Variants in HNRNPC observed in about 807,000 individuals in gnomAD.
HNRNPC encodes the protein heterogeneous nuclear ribonucleoprotein C.
HNRNPC carries 3 observed loss-of-function variants against 33.2 expected under a neutral mutation model. That is an observed-to-expected ratio of 0.09 (90% CI 0.04 to 0.23). HNRNPC has a LOEUF of 0.23. Ranked by LOEUF, HNRNPC falls within the 10% of genes least tolerant of loss-of-function variation. The pLI, the probability that HNRNPC is intolerant of heterozygous loss-of-function variation, is 1.00. For missense variants in HNRNPC, 143 were observed against 366.7 expected, an observed-to-expected ratio of 0.39 and a Z score of 4.98; for synonymous variants, 121 against 126.7, an observed-to-expected ratio of 0.96 and a Z score of 0.30.
chr14:21,267,581 C>T (rs1020616511), intron 1 of HNRNPC, among the ~76,000 whole-genome samples: 2 of 152,126 alleles, frequency 1.3e-5, no homozygotes, highest in Non-Finnish European at 2.9e-5. Context: ...GCAACCTGGC[C>T]ATCCTTCTTC....
At chr14:21,237,589 AAAC>A (rs2139681678) in intron 2 of HNRNPC, among the ~76,000 whole-genome samples, 1 of 152,296 alleles carries the variant, frequency 6.6e-6, no homozygotes, top group African/African-American at 2.4e-5. Context: ...ATTGATGCTT[AAAC>A]AATACCATTT....
At chr14:21,251,950 A>G (rs1896726589) in intron 2 of HNRNPC, among the ~76,000 whole-genome samples, 1 of 152,240 alleles carries the variant, frequency 6.6e-6, no homozygotes, top group South Asian at 2.1e-4. Context: ...TTAGACAGGT[A>G]TAACAAAATA....
intron 2 of HNRNPC, among the ~76,000 whole-genome samples, chr14:21,252,609 G>C (rs915210849): frequency 6.6e-6 from 1 of 152,180 alleles, no homozygotes; most frequent in Non-Finnish European, 1.5e-5. Context: ...CACCATGCCA[G>C]GCCTCTAAAT....
chr14:21,253,044 C>T (rs886122793), intron 2 of HNRNPC, among the ~76,000 whole-genome samples: 3 of 150,668 alleles, frequency 2.0e-5, no homozygotes, highest in Non-Finnish European at 3.0e-5. Flanking sequence ...CGTGGTGGAG[C>T]GTAACTGTAA....
chr14:21,216,155 T>C (rs1469387236), intron 5 of HNRNPC, among the ~76,000 whole-genome samples: 1 of 147,366 alleles, frequency 6.8e-6, no homozygotes, highest in African/African-American at 2.5e-5. Flanking sequence ...AAAGAATGTC[T>C]ACCCCAATTC....
At chr14:21,253,593 T>G (rs983218706) in intron 2 of HNRNPC, among the ~76,000 whole-genome samples, 1 of 151,566 alleles carries the variant, frequency 6.6e-6, no homozygotes, top group Non-Finnish European at 1.5e-5. Context: ...TCAAAATCTA[T>G]CAACATTTTT....
Position 21,230,349 on chromosome 14 carries a change from T to C in HNRNPC, c.335A>G (p.Asp112Gly). The C allele has an allele frequency of 6.2e-7, 1 of 1,610,350 alleles. No homozygotes were observed. The highest frequency in any genetic ancestry group is 8.5e-7 in the Non-Finnish European group (1 of 1,176,932). Residue 112 changes from aspartate (D) to glycine (G), a missense_variant, in exon 5 of 9, where the codon GAC becomes GGC. This residue lies in a region of HNRNPC where 131 missense variants were observed against 253.0 expected (regional missense o/e 0.52). Coordinates refer to ENST00000553300, the MANE Select transcript of HNRNPC (RefSeq NM_004500.4). ...AEMYGSSFDL[D>G]YDFQRDYYDR... Reference sequence around the variant, plus strand: ...ATAATAGTCCCGTTGAAAGTCATAGTCCAAGTCAAAAGAGGAGCTGAAAAA... The same window carrying C: ...ATAATAGTCCCGTTGAAAGTCATAGCCCAAGTCAAAAGAGGAGCTGAAAAA...
At chr14:21,254,944 A>AC (rs1876912603) in intron 2 of HNRNPC, among the ~76,000 whole-genome samples, 1 of 151,836 alleles carries the variant, frequency 6.6e-6, no homozygotes, top group Non-Finnish European at 1.5e-5. Context: ...AAAAAAAAAA[A>AC]CCAGAAAAAC....
intron 5 of HNRNPC, among the ~76,000 whole-genome samples, chr14:21,226,707 C>A (rs1003084079): frequency 9.2e-5 from 14 of 151,938 alleles, no homozygotes; most frequent in African/African-American, 3.4e-4. Flanking sequence ...TGGACAAACA[C>A]TGTCTCTACT....
At chr14:21,230,604 A>G (rs1014985103) in intron 4 of HNRNPC, 2 of 536,138 alleles carry the variant, frequency 3.7e-6, no homozygotes, top group Non-Finnish European at 6.7e-6. Flanking sequence ...CACATACGAC[A>G]TAGCTAAACT....
At position 21,211,102 on chromosome 14, in the gene HNRNPC, G is replaced by C. The variant is rs1218537816; in HGVS notation, c.*121C>G. On this transcript the variant is annotated 3_prime_UTR_variant, in exon 9 of 9. Coordinates refer to ENST00000553300, the MANE Select transcript of HNRNPC (RefSeq NM_004500.4). The stretch of plus-strand genomic sequence containing the variant: ...TAATGAACATGGGAAGGACAAGGAT[G>C]GGGAGAACAGTGAGCATGTGCTGAA... The C allele has an allele frequency of 1.8e-6, 2 of 1,085,290 alleles. No homozygotes were observed. Among genetic ancestry groups the C allele is most frequent in the Non-Finnish European group, 2.7e-6 (2 of 728,348 alleles). 67.2% of individuals were successfully genotyped at this position (1,085,290 alleles called of 1,614,324 possible).
Position 21,264,101 on chromosome 14 carries a change from A to G in HNRNPC, c.-62-765T>C, listed in dbSNP as rs560304775. The stretch of plus-strand genomic sequence containing the variant: ...TATATCCCAAATGTTCATCTTGATA[A>G]TGAGCAGTTTGGGCAAAGAAAATAC... On this transcript the variant is annotated intron_variant, in intron 1 of 8. Transcript: ENST00000553300. 4 of 152,354 alleles carry G rather than the reference A, an allele frequency of 2.6e-5. No homozygotes were observed. The East Asian group carries it at 7.7e-4, about 29-fold the overall frequency. 9.4% of individuals were successfully genotyped at this position (152,354 alleles called of 1,614,324 possible).
chr14:21,223,399 C>G (rs1893059069), intron 5 of HNRNPC, among the ~76,000 whole-genome samples: 1 of 152,060 alleles, frequency 6.6e-6, no homozygotes, highest in African/African-American at 2.4e-5. Context: ...CTAAACGAGT[C>G]TAGGACACAA....
At chr14:21,229,358 G>C (rs1382240599) in intron 5 of HNRNPC, among the ~76,000 whole-genome samples, 1 of 112,934 alleles carries the variant, frequency 8.9e-6, no homozygotes, top group South Asian at 2.7e-4. Flanking sequence ...GCGACAGAGC[G>C]AGACTGTCTC....
intron 6 of HNRNPC, 102 bp from the exon 7 acceptor site, chr14:21,212,025 C>G: frequency 2.3e-6 from 2 of 885,618 alleles, no homozygotes; most frequent in Non-Finnish European, 3.6e-6. Context: ...CAGGAGATAC[C>G]CAGGGAGAAA....
At chr14:21,225,715 A>G (rs558937357) in intron 5 of HNRNPC, among the ~76,000 whole-genome samples, 2 of 152,242 alleles carry the variant, frequency 1.3e-5, no homozygotes, top group East Asian at 1.9e-4. Context: ...TCCTTTTTCA[A>G]TTGTAATGTC....
At chr14:21,263,890 C>G (rs951332422) in intron 1 of HNRNPC, 3 of 152,054 alleles carry the variant, frequency 2.0e-5, no homozygotes, top group Non-Finnish European at 4.4e-5. Context: ...GCCCTAAACC[C>G]CCAAGACAGA....
At chr14:21,233,149 A>G (rs1380062928) in intron 3 of HNRNPC, among the ~76,000 whole-genome samples, 1 of 152,334 alleles carries the variant, frequency 6.6e-6, no homozygotes, top group African/African-American at 2.4e-5. Context: ...GAAACCATAT[A>G]AAGTGTTTCA....
At chr14:21,230,061 C>T (rs562474356) in intron 5 of HNRNPC, among the ~76,000 whole-genome samples, 2 of 152,232 alleles carry the variant, frequency 1.3e-5, no homozygotes, top group African/African-American at 4.8e-5. Flanking sequence ...TCCCTAGTCA[C>T]CACACTCAGC....
Sources: allele counts gnomAD v4.1 joint callset (sites outside exome capture counted in the v4.1 genomes callset), GRCh38; gene constraint gnomAD v4.1.1; regional missense constraint gnomAD v4.1.1; transcripts MANE v1.5; gene names NCBI Gene and HGNC (gene_info 2026-07-23, HGNC 2026-07-21).